RBM28: variants seen among roughly 807,000 people sequenced by gnomAD.
RBM28 encodes the protein RNA-binding protein 28.
In RBM28, 78 loss-of-function variants were observed where a neutral mutation model predicts 98.3. The ratio of observed to expected loss-of-function variants is 0.79; its 90% CI spans 0.66 to 0.96. The LOEUF is 0.96. Ranked by LOEUF, RBM28 falls within the 40% of genes least tolerant of loss-of-function variation. The pLI is 0.00. For missense variants in RBM28, 838 were observed against 913.0 expected, an observed-to-expected ratio of 0.92 and a Z score of 1.06; for synonymous variants, 306 against 330.9, an observed-to-expected ratio of 0.92 and a Z score of 0.82.
Position 128,321,452 on chromosome 7 carries a change from A to G in RBM28, c.1405-28T>C, listed in dbSNP as rs78889680. 4,341 of 1,613,654 alleles carry G rather than the reference A, an allele frequency of 2.7e-3. 8 individuals carry two copies. Among genetic ancestry groups the G allele is most frequent in the Non-Finnish European group, 3.5e-3 (4,154 of 1,179,668 alleles). ...GAAAGAACAACCAATGGTTAACAGT[A>G]CAACCCACTCTTTTTAAGAGGTAGG... is the stretch of plus-strand genomic sequence containing the variant. On this transcript the variant is annotated intron_variant, in intron 13 of 18. Coordinates refer to ENST00000223073, the MANE Select transcript of RBM28 (RefSeq NM_018077.3).
chr7:128,320,438 A>C (rs1028016639), intron 14 of RBM28, among the ~76,000 whole-genome samples: 1 of 151,902 alleles, frequency 6.6e-6, no homozygotes, highest in Non-Finnish European at 1.5e-5. Context: ...GAAAAGAAAA[A>C]AAAGAAAAGA....
rs78197610 is a variant in RBM28 at position 128,303,961 on chromosome 7, C to T, written c.*6836G>A. 122 of 152,186 alleles carry T rather than the reference C, an allele frequency of 8.0e-4. No homozygotes were observed. The highest frequency in any genetic ancestry group is 2.8e-3 in the African/African-American group (117 of 41,516). 9.4% of individuals were successfully genotyped at this position (152,186 alleles called of 1,614,324 possible). A position where few individuals can be genotyped will look rare whatever the true frequency, so the allele number is the denominator to read the frequency against. ...TCGAGGGAAGGATAAGAAAGAGAGT[C>T]GGGAAGGCTGGGCAGAACACTACTT... On this transcript the variant is annotated 3_prime_UTR_variant, in exon 19 of 19. Coordinates refer to ENST00000223073, the MANE Select transcript of RBM28 (RefSeq NM_018077.3).
Position 128,330,934 on chromosome 7 carries a change from G to A in RBM28, c.1020-6C>T. ...CTGAGTCAAAGGACAGATTTCTATG[G>A]AAGATAACCAGATGATCACAAGAAA... On this transcript the variant is annotated splice_polypyrimidine_tract_variant and splice_region_variant and intron_variant, in intron 9 of 18. Transcript: ENST00000223073. 6.3e-7 allele frequency: 1 copy of A among 1,592,186 alleles called. No homozygotes were observed. The highest frequency in any genetic ancestry group is 8.6e-7 in the Non-Finnish European group (1 of 1,160,110).
chr7:128,307,922 T>C lies in RBM28; in HGVS notation c.*2875A>G, dbSNP rs1165298322. ...CCCACCTCCCGAAGTGCTGCAATCA[T>C]AGGTATGAGACTCTGTGCCCCACCT... is the stretch of plus-strand genomic sequence containing the variant. On this transcript the variant is annotated 3_prime_UTR_variant, in exon 19 of 19. Coordinates refer to ENST00000223073, the MANE Select transcript of RBM28 (RefSeq NM_018077.3). The C allele has an allele frequency of 6.6e-6, 1 of 152,196 alleles. No homozygotes were observed. The highest frequency in any genetic ancestry group is 2.4e-5 in the African/African-American group (1 of 41,446). 9.4% of individuals were successfully genotyped at this position (152,196 alleles called of 1,614,324 possible). A position where few individuals can be genotyped will look rare whatever the true frequency, so the allele number is the denominator to read the frequency against.
At chr7:128,324,852 A>G (rs1471630187) in intron 11 of RBM28, among the ~76,000 whole-genome samples, 158 bp from the exon 12 acceptor site, 1 of 152,084 alleles carries the variant, frequency 6.6e-6, no homozygotes, top group Non-Finnish European at 1.5e-5. Flanking sequence ...CGTCTCTACT[A>G]AAAATACAAA....
chr7:128,315,787 G>A (rs1166231766), intron 16 of RBM28, among the ~76,000 whole-genome samples: 1 of 152,174 alleles, frequency 6.6e-6, no homozygotes, highest in African/African-American at 2.4e-5. Context: ...GACTTACTCA[G>A]ACAAAAGAAA....
rs138804501 is a variant in RBM28, at chr7:128,339,294, G to A, written c.305C>T (p.Pro102Leu). The change falls in exon 3 of 19, where the codon CCG (proline) becomes CTG (leucine). Residue 102 changes from proline (P) to leucine (L), a missense_variant. Pro to Leu is a moderately conservative substitution (Grantham distance 98). Transcript: ENST00000223073. ...NENSECPKKE[P>L]KAKKAKVADK... ...TGCCACTTTGGCTTTTTTAGCCTTC[G>A]GCTCCTTCTTTGGGCACTCTGAGTT... The A allele has an allele frequency of 1.8e-4, 292 of 1,613,098 alleles. 3 individuals carry two copies. In the Middle Eastern group the frequency reaches 0.012, roughly 65 times the overall value.
In RBM28 at chr7:128,324,443, A is replaced by G. The variant is rs1018744649; in HGVS notation, c.1339+116T>C. ...AGTGGAATGATCATATAACACTGTT[A>G]AAGAGAACATTTGGGTTTTTAATTT... On this transcript the variant is annotated intron_variant, in intron 12 of 18. Transcript: ENST00000223073. 14 of 1,423,556 alleles carry G rather than the reference A, an allele frequency of 9.8e-6. No individual in the cohort carries two copies. The African/African-American group carries it at 1.7e-4, about 17-fold the overall frequency. 88.2% of individuals were successfully genotyped at this position (1,423,556 alleles called of 1,614,324 possible).
chr7:128,339,758 G>A lies in RBM28; in HGVS notation c.152C>T (p.Thr51Ile), dbSNP rs776898570. ...SKACRGFGYV[T>I]FSMLEDVQRA... ...CTGAACATCTTCCAGCATTGAAAAA[G>A]TGACATAGCCAAAGCCTCGACATGC... Residue 51 changes from threonine (T) to isoleucine (I), a missense_variant, in exon 2 of 19, where the codon ACT becomes ATT. Coordinates refer to ENST00000223073, the MANE Select transcript of RBM28 (RefSeq NM_018077.3). 1 of 1,614,094 alleles carries A rather than the reference G, an allele frequency of 6.2e-7. No individual in the cohort carries two copies.
chr7:128,318,067 T>A lies in RBM28; in HGVS notation c.1603A>T (p.Met535Leu). 6.2e-7 allele frequency: 1 copy of A among 1,613,886 alleles called. No individual in the cohort carries two copies. Among genetic ancestry groups the A allele is most frequent in the Non-Finnish European group, 8.5e-7 (1 of 1,179,726 alleles). Residue 535 changes from methionine to leucine, a missense_variant, in exon 15 of 19, where the codon ATG becomes TTG. Physicochemically the swap from Met to Leu is conservative, Grantham distance 15 (BLOSUM62 2). Coordinates refer to ENST00000223073, the MANE Select transcript of RBM28 (RefSeq NM_018077.3). ...GCGTAGCCCAGGGACTGACCCTTCA[T>A]GTTCCCATGAACTCCTTTGAGGTCT... ...MRDLKGVHGN[M>L]KGQSLGYAFA... is the part of the protein sequence containing the mutation.
chr7:128,321,191 C>G (rs924200775), intron 14 of RBM28, 75 bp downstream of exon 14: 55 of 1,589,988 alleles, frequency 3.5e-5, no homozygotes, highest in Non-Finnish European at 4.6e-5. Flanking sequence ...AATCTGGCAC[C>G]ACAGCCTGAG....
chr7:128,337,910 C>T (rs1484067765), intron 5 of RBM28, among the ~76,000 whole-genome samples: 1 of 152,104 alleles, frequency 6.6e-6, no homozygotes, highest in African/African-American at 2.4e-5. Context: ...ATATAAATCA[C>T]AGTCAGTTTA....
intron 17 of RBM28, among the ~76,000 whole-genome samples, chr7:128,313,477 T>C (rs1010937030): frequency 4.6e-5 from 7 of 152,106 alleles, no homozygotes; most frequent in Admixed American, 6.6e-5. Context: ...CTATGCAACA[T>C]AGCAATCCCC....
At chr7:128,327,493 CA>C (rs35369946) in intron 10 of RBM28, among the ~76,000 whole-genome samples, 2 of 151,772 alleles carry the variant, frequency 1.3e-5, no homozygotes, top group Non-Finnish European at 2.9e-5. Context: ...CTGCTATTGA[CA>C]AAAAAACAAT....
chr7:128,338,103 G>A, intron 5 of RBM28, 147 bp downstream of exon 5: 1 of 691,624 alleles, frequency 1.4e-6, no homozygotes, highest in South Asian at 1.6e-5. Context: ...TCAAGTTCTA[G>A]AGTATTTCAC....
At chr7:128,336,109 T>A in intron 6 of RBM28, 67 bp from the exon 7 acceptor site, 1 of 1,403,088 alleles carries the variant, frequency 7.1e-7, no homozygotes. Context: ...TTAACAAAAG[T>A]AACCAATACT....
chr7:128,317,267 A>G (rs12533121), intron 16 of RBM28, among the ~76,000 whole-genome samples: 70,016 of 152,076 alleles, frequency 0.46, 17,476 homozygotes, highest in East Asian at 0.79. Flanking sequence ...CCAGATTAAA[A>G]ACAGTACTAA....
At chr7:128,311,160 C>T (rs1439332861) in intron 18 of RBM28, among the ~76,000 whole-genome samples, 1 of 152,040 alleles carries the variant, frequency 6.6e-6, no homozygotes, top group Non-Finnish European at 1.5e-5. Context: ...GACTAACCTC[C>T]CTGTCTGCTG....
chr7:128,337,775 C>G (rs1239044203), intron 5 of RBM28, among the ~76,000 whole-genome samples: 1 of 152,066 alleles, frequency 6.6e-6, no homozygotes, highest in Non-Finnish European at 1.5e-5. Context: ...CCAGGCTGGT[C>G]TTGAACTCCT....
Sources: gnomAD v4.1 joint callset for allele counts (sites outside exome capture counted in the v4.1 genomes callset) on GRCh38, gnomAD v4.1.1 for gene constraint, MANE v1.5 for transcripts, NCBI Gene and HGNC (gene_info 2026-07-23, HGNC 2026-07-21) for gene names.